FRYL: variants seen among roughly 807,000 people sequenced by gnomAD.
The protein encoded by FRYL is protein furry homolog-like.
Under a neutral mutation model 351.2 loss-of-function variants are expected in FRYL, and 150 were observed. The ratio of observed to expected loss-of-function variants is 0.43; its 90% confidence interval spans 0.37 to 0.49. The LOEUF (loss-of-function observed/expected upper bound fraction) is 0.49. Ranked by LOEUF, FRYL falls within the 20% of genes least tolerant of loss-of-function variation. The probability of loss-of-function intolerance (pLI) is 0.00; values close to 1 mark genes in which losing one functional copy is unlikely to be tolerated. For synonymous variants in FRYL, 1,153 were observed against 1,257.1 expected, an observed-to-expected ratio of 0.92 and a Z score of 1.75; for missense variants, 3,036 against 3,619.3, an observed-to-expected ratio of 0.84 and a Z score of 4.13.
In FRYL at chr4:48,570,880, T is replaced by G. The variant is rs893354869; in HGVS notation, c.2943A>C (p.Val981=). 5 of 1,613,892 alleles carry G rather than the reference T, an allele frequency of 3.1e-6. No homozygotes were observed. In the African/African-American group the frequency reaches 6.7e-5, roughly 22 times the overall value. Residue 981 remains valine, a synonymous_variant, in exon 27 of 64, where the codon GTA becomes GTC. Transcript: ENST00000358350. The part of the protein sequence containing the change: ...KRRRRRDILR[V]QLVRIFELLA... ...GCAGTTCAAATATTCGTACCAGTTG[T>G]ACTCGTAAAATGTCTCGACGCCTGC...
intron 25 of FRYL, among the ~76,000 whole-genome samples, chr4:48,573,889 T>C (rs1044009263): frequency 1.3e-5 from 2 of 152,170 alleles, no homozygotes; most frequent in Admixed American, 1.3e-4. Context: ...TAATTTTATA[T>C]GCCAATAATT....
Position 48,597,118 on chromosome 4 carries a change from T to TATC in FRYL, c.1036-1119_1036-1118insGAT, listed in dbSNP as rs1262751100. On this transcript the variant is annotated intron_variant, in intron 13 of 63. Coordinates refer to ENST00000358350, the MANE Select transcript of FRYL (RefSeq NM_015030.2). ...ATGTTTGTTAGTAATGTAACTAAAG[T>TATC]AACATATAATGTATACTACAAATAT... Among the ~76,000 whole-genome samples, 4 of 152,184 alleles carry TATC rather than the reference T, an allele frequency of 2.6e-5. No homozygotes were observed. The East Asian group carries it at 7.7e-4, about 29-fold the overall frequency.
intron 2 of FRYL, among the ~76,000 whole-genome samples, chr4:48,710,235 G>A (rs1363852182): frequency 1.3e-5 from 2 of 152,174 alleles, no homozygotes; most frequent in African/African-American, 4.8e-5. Context: ...AGGTAAGACA[G>A]TAACAAGATA....
intron 3 of FRYL, among the ~76,000 whole-genome samples, chr4:48,672,179 T>G (rs1308251128): frequency 6.6e-6 from 1 of 152,192 alleles, no homozygotes; most frequent in Non-Finnish European, 1.5e-5. Context: ...AAAGAAGATA[T>G]GATTCAAATT....
chr4:48,712,319 A>C (rs925938966), intron 1 of FRYL, among the ~76,000 whole-genome samples: 38 of 152,268 alleles, frequency 2.5e-4, no homozygotes, highest in Admixed American at 8.5e-4. Flanking sequence ...AAAAACTTTG[A>C]AAAAAATTTA....
chr4:48,563,687 G>A (rs1736053210), intron 31 of FRYL, among the ~76,000 whole-genome samples: 1 of 151,334 alleles, frequency 6.6e-6, no homozygotes, highest in African/African-American at 2.4e-5. Flanking sequence ...TCTAGCCTGG[G>A]TGACAGCGAG....
At chr4:48,759,194 G>A (rs1489506042) in intron 1 of FRYL, among the ~76,000 whole-genome samples, 5 of 151,954 alleles carry the variant, frequency 3.3e-5, no homozygotes, top group South Asian at 4.2e-4. Context: ...ACAAACCCGC[G>A]TATTGTGCAC....
At position 48,693,778 on chromosome 4, in the gene FRYL, G is replaced by A. The variant is rs1765878725; in HGVS notation, c.-203-8983C>T. Among the ~76,000 whole-genome samples the A allele has an allele frequency of 5.3e-5, 8 of 152,244 alleles. No individual in the cohort carries two copies. The South Asian group carries it at 1.7e-3, about 32-fold the overall frequency. On this transcript the variant is annotated intron_variant, in intron 2 of 63. Transcript: ENST00000358350. ...CCAAACCATGGCTTCAGCATACCAT[G>A]CTGATTCTCCAAAACAATATTAGTA...
intron 27 of FRYL, among the ~76,000 whole-genome samples, chr4:48,569,830 T>A (rs1401113414): frequency 6.6e-6 from 1 of 152,166 alleles, no homozygotes; most frequent in Non-Finnish European, 1.5e-5. Flanking sequence ...CCTTTTTGTT[T>A]CAAGACAAAG....
intron 1 of FRYL, among the ~76,000 whole-genome samples, chr4:48,758,930 A>C (rs1407270678): frequency 6.6e-6 from 1 of 152,178 alleles, no homozygotes; most frequent in Non-Finnish European, 1.5e-5. Context: ...TGTCCTTTGT[A>C]GGGACATGGA....
chr4:48,735,042 C>T (rs1181848403), intron 1 of FRYL, among the ~76,000 whole-genome samples: 14 of 139,968 alleles, frequency 1.0e-4, no homozygotes, highest in African/African-American at 3.4e-4. Flanking sequence ...CAACCTACAA[C>T]ATGGGAGAAA....
intron 1 of FRYL, among the ~76,000 whole-genome samples, chr4:48,774,035 G>A (rs1038654856): frequency 4.6e-5 from 7 of 152,118 alleles, no homozygotes; most frequent in Admixed American, 2.6e-4. Context: ...ATCAAGTTAC[G>A]CAGGAATGTA....
chr4:48,543,828 C>A lies in FRYL; in HGVS notation c.5571G>T (p.Gly1857=). 6.2e-7 allele frequency: 1 copy of A among 1,613,438 alleles called. No homozygotes were observed. Among genetic ancestry groups the A allele is most frequent in the South Asian group, 1.1e-5 (1 of 91,024 alleles). The change falls in exon 44 of 64, where the codon GGG becomes GGT. Residue 1857 remains glycine, a synonymous_variant. Coordinates refer to ENST00000358350, the MANE Select transcript of FRYL (RefSeq NM_015030.2). ...ATACCTGTGCATCTTCTCCTGGATC[C>A]CCTACAGTTTCTACAAGTCTGGAGA... The part of the protein sequence containing the change: ...DVLSRLVETV[G]DPGEDAQGFV...
intron 26 of FRYL, among the ~76,000 whole-genome samples, chr4:48,571,534 C>T (rs1738327001): frequency 6.6e-6 from 1 of 152,204 alleles, no homozygotes; most frequent in South Asian, 2.1e-4. Flanking sequence ...TCACCTTCTA[C>T]TATAGGTCAT....
At chr4:48,630,689 C>T (rs1423760521) in intron 4 of FRYL, among the ~76,000 whole-genome samples, 1 of 152,186 alleles carries the variant, frequency 6.6e-6, no homozygotes, top group African/African-American at 2.4e-5. Context: ...GGCTAAAAAT[C>T]CAACTCAGCT....
rs559754401 is a variant in FRYL, at chr4:48,554,732, G to T, written c.4267-1349C>A. Among the ~76,000 whole-genome samples the T allele has an allele frequency of 9.9e-5, 15 of 152,254 alleles. No homozygotes were observed. In the South Asian group the frequency reaches 3.1e-3, roughly 32 times the overall value. ...TACTTGCTAATTCTCTCTATTTTCA[G>T]GTTCGATCTCCTCTGAGCATGCTGT... On this transcript the variant is annotated intron_variant, in intron 35 of 63. Coordinates refer to ENST00000358350, the MANE Select transcript of FRYL (RefSeq NM_015030.2).
chr4:48,667,521 T>C (rs1434538860), intron 3 of FRYL, among the ~76,000 whole-genome samples: 2 of 151,784 alleles, frequency 1.3e-5, no homozygotes, highest in African/African-American at 4.8e-5. Context: ...CCAAGGAAGA[T>C]AAGCAATATA....
intron 21 of FRYL, 74 bp downstream of exon 21, chr4:48,581,346 T>C: frequency 4.5e-6 from 6 of 1,335,120 alleles, no homozygotes; most frequent in African/African-American, 1.5e-5. Flanking sequence ...CCTACCTACA[T>C]GGGATAAGGA....
intron 3 of FRYL, among the ~76,000 whole-genome samples, chr4:48,674,093 C>T (rs901821086): frequency 6.6e-6 from 1 of 152,032 alleles, no homozygotes; most frequent in Non-Finnish European, 1.5e-5. Context: ...TTTTTTGTTA[C>T]ATTAACCCTT....
Sources: gnomAD v4.1 joint callset for allele counts (sites outside exome capture counted in the v4.1 genomes callset) on GRCh38, gnomAD v4.1.1 for gene constraint, MANE v1.5 for transcripts, NCBI Gene and HGNC (gene_info 2026-07-23, HGNC 2026-07-21) for gene names.